The following TPP2 variants were observed in gnomAD, a reference collection of about 807,000 sequenced individuals.
TPP2 encodes the protein tripeptidyl peptidase 2.
Under a neutral mutation model 155.9 loss-of-function variants are expected in TPP2, and 34 were observed. That is an observed-to-expected ratio of 0.22 (90% CI 0.17 to 0.29). TPP2 has a LOEUF of 0.29. Ranked by LOEUF, TPP2 falls within the 10% of genes least tolerant of loss-of-function variation. TPP2 has a pLI of 1.00. For missense variants in TPP2, 1,028 were observed against 1,522.3 expected (o/e 0.68, Z 5.40); for synonymous variants, 510 against 529.4 (o/e 0.96, Z 0.50).
chr13:102,616,899 G>GTTTTGTT (rs1265619644), intron 4 of TPP2, among the ~76,000 whole-genome samples: 4 of 149,070 alleles, frequency 2.7e-5, no homozygotes, highest in East Asian at 1.9e-4. Context: ...ATATAGTATG[G>GTTTTGTT]TTTTGTTTTT....
At position 102,637,222 on chromosome 13, in the gene TPP2, G is replaced by A. The variant is rs372718395; in HGVS notation, c.1819G>A (p.Gly607Arg). ...IRVDPRGLRE[G>R]LHYTEVCGYD... The stretch of plus-strand genomic sequence containing the variant: ...TGTGGATCCCAGGGGCTTAAGAGAA[G>A]GATTGCATTATACAGAGGTATTGAT... Residue 607 changes from glycine (G) to arginine (R), a missense_variant, in exon 14 of 30, where the codon GGA becomes AGA. Gly to Arg is a moderately radical substitution (Grantham distance 125, BLOSUM62 -2). Around this residue, in one of 7 missense-constraint regions of TPP2, gnomAD observed 325 missense variants for 463.7 expected, o/e 0.70. Transcript: ENST00000376052. 9.4e-6 allele frequency: 15 copies of A among 1,603,612 alleles called. No individual in the cohort carries two copies. Among genetic ancestry groups the A allele is most frequent in the Non-Finnish European group, 1.0e-5 (12 of 1,178,354 alleles).
At chr13:102,606,109 C>G (rs1879808289) in intron 2 of TPP2, among the ~76,000 whole-genome samples, 1 of 152,180 alleles carries the variant, frequency 6.6e-6, no homozygotes, top group Admixed American at 6.5e-5. Context: ...CACAGAGGAG[C>G]TCATGAGCTA....
At position 102,647,353 on chromosome 13, in the gene TPP2, T is replaced by G. The variant is rs762688325; in HGVS notation, c.2628+9T>G. The G allele has an allele frequency of 6.2e-7, 1 of 1,603,424 alleles. No individual in the cohort carries two copies. The highest frequency in any genetic ancestry group is 8.5e-7 in the Non-Finnish European group (1 of 1,176,262). On this transcript the variant is annotated intron_variant, in intron 21 of 29. Transcript: ENST00000376052. Reference sequence around the variant, plus strand: ...ATGCCTATCCACATCAGGTATAAAATTGATGGTGATTTTTAGAATTAACGG... The same window carrying G: ...ATGCCTATCCACATCAGGTATAAAAGTGATGGTGATTTTTAGAATTAACGG...
In TPP2 at chr13:102,627,118, T is replaced by C; in HGVS notation, c.891T>C (p.Gly297=). The part of the protein sequence containing the change: ...PGAQILSIKI[G]DTRLSTMETG... ...CTCAAATTCTTTCCATCAAGATTGG[T>C]GATACAAGACTAAGCACAATGGAAA... The change falls in exon 7 of 30, where the codon GGT becomes GGC. Residue 297 remains glycine (G), a synonymous_variant. Coordinates refer to ENST00000376052, the MANE Select transcript of TPP2 (RefSeq NM_001330588.2). 1.2e-6 allele frequency: 2 copies of C among 1,602,574 alleles called. No homozygotes were observed. Among genetic ancestry groups the C allele is most frequent in the Non-Finnish European group, 1.7e-6 (2 of 1,174,554 alleles).
chr13:102,633,886 T>A (rs1486249071), intron 10 of TPP2, 64 bp from the exon 11 acceptor site: 20 of 1,604,276 alleles, frequency 1.2e-5, no homozygotes, highest in Non-Finnish European at 1.6e-5. Context: ...GTGGTCGTCT[T>A]AAAAATGCCC....
At chr13:102,630,677 G>A (rs970512030) in intron 10 of TPP2, among the ~76,000 whole-genome samples, 1 of 152,190 alleles carries the variant, frequency 6.6e-6, no homozygotes, top group Non-Finnish European at 1.5e-5. Context: ...ACTGAGAAAT[G>A]AAGTCTATCT....
chr13:102,630,278 T>C (rs957800142), intron 10 of TPP2, 83 bp downstream of exon 10: 2 of 1,018,120 alleles, frequency 2.0e-6, no homozygotes, highest in African/African-American at 3.4e-5. Context: ...TTAGATAAGT[T>C]TGCTAGTTTT....
In TPP2 at chr13:102,649,659, T is replaced by C. The variant is rs529646283; in HGVS notation, c.2952+173T>C. ...GTGAAAGTCAGTTAATATTTAGTTG[T>C]CTTTTAAAATGTATGCTACTTTTGA... On this transcript the variant is annotated intron_variant, in intron 23 of 29. Transcript: ENST00000376052. Among the ~76,000 whole-genome samples, 21 of 152,306 alleles carry C rather than the reference T, an allele frequency of 1.4e-4. No homozygotes were observed. The South Asian group carries it at 4.4e-3, about 32-fold the overall frequency.
intron 13 of TPP2, 88 bp downstream of exon 13, chr13:102,636,480 G>T (rs1882391818): frequency 7.1e-7 from 1 of 1,408,306 alleles, no homozygotes; most frequent in African/African-American, 1.4e-5. Flanking sequence ...GTTTGGGCCA[G>T]TGTTGTGAAG....
chr13:102,644,760 T>C lies in TPP2; in HGVS notation c.2292+87T>C, dbSNP rs963970598. On this transcript the variant is annotated intron_variant, in intron 18 of 29. Transcript: ENST00000376052. ...TTCATTGGTTAGATTTAAACTTTAA[T>C]GAGGGGAAATTACCTGTGGTTCTGA... 1.7e-5 allele frequency: 24 copies of C among 1,424,094 alleles called. No homozygotes were observed. The African/African-American group carries it at 3.1e-4, about 19-fold the overall frequency. The allele number at this position is 1,424,094 out of a possible 1,614,324, so 88.2% of individuals were successfully genotyped here. A position where few individuals can be genotyped will look rare whatever the true frequency, so the allele number is the denominator to read the frequency against.
At chr13:102,661,113 A>G (rs1245873280) in intron 25 of TPP2, among the ~76,000 whole-genome samples, 1 of 152,190 alleles carries the variant, frequency 6.6e-6, no homozygotes, top group Admixed American at 6.5e-5. Flanking sequence ...AAGAAAAAAA[A>G]ATAGATAATT....
chr13:102,671,084 T>C (rs574758163), intron 27 of TPP2, among the ~76,000 whole-genome samples: 1 of 152,342 alleles, frequency 6.6e-6, no homozygotes, highest in East Asian at 1.9e-4. Flanking sequence ...TCCAATGAAA[T>C]TGGCGAGCTG....
chr13:102,608,176 A>G (rs1484675276), intron 2 of TPP2, among the ~76,000 whole-genome samples: 1 of 152,230 alleles, frequency 6.6e-6, no homozygotes, highest in Non-Finnish European at 1.5e-5. Flanking sequence ...AAGGCTTCTA[A>G]CAAAAAGAGT....
chr13:102,632,694 C>T (rs1882099796), intron 10 of TPP2, among the ~76,000 whole-genome samples: 1 of 152,182 alleles, frequency 6.6e-6, no homozygotes, highest in Non-Finnish European at 1.5e-5. Flanking sequence ...TACCAATGCT[C>T]ATTCTGAACA....
At chr13:102,616,218 A>G (rs1415038617) in intron 3 of TPP2, among the ~76,000 whole-genome samples, 178 bp from the exon 4 acceptor site, 1 of 152,160 alleles carries the variant, frequency 6.6e-6, no homozygotes, top group Non-Finnish European at 1.5e-5. Context: ...CAGCCTTCCA[A>G]ATTGTTAGGA....
chr13:102,621,440 A>T (rs549750625), intron 5 of TPP2, among the ~76,000 whole-genome samples: 1 of 152,308 alleles, frequency 6.6e-6, no homozygotes. Context: ...ATAACATCTT[A>T]CATTGAGACT....
At chr13:102,607,638 G>T (rs1304375856) in intron 2 of TPP2, 5 of 448,460 alleles carry the variant, frequency 1.1e-5, no homozygotes, top group Non-Finnish European at 2.2e-5. Flanking sequence ...CCAGGTTGAA[G>T]TACAATGGCA....
Position 102,674,291 on chromosome 13 carries a change from A to G in TPP2, c.3380A>G (p.Asp1127Gly). The change falls in exon 28 of 30, where the codon GAC (aspartate) becomes GGC (glycine). Residue 1127 changes from aspartate to glycine, a missense_variant. Coordinates refer to ENST00000376052, the MANE Select transcript of TPP2 (RefSeq NM_001330588.2). ...PDAATIKNDM[D>G]KQKSTLVDAL... is the part of the protein sequence containing the mutation. ...TTTAATTTGCTGTACAGTGACATGG[A>G]CAAACAAAAATCCACCCTCGTAGAT... The G allele has an allele frequency of 6.2e-7, 1 of 1,613,576 alleles. No homozygotes were observed. Among genetic ancestry groups the G allele is most frequent in the Non-Finnish European group, 8.5e-7 (1 of 1,179,618 alleles).
chr13:102,619,423 CT>C (rs1207406480), intron 5 of TPP2, among the ~76,000 whole-genome samples: 1 of 148,448 alleles, frequency 6.7e-6, no homozygotes, highest in Non-Finnish European at 1.5e-5. Flanking sequence ...CATATGTGTG[CT>C]TTAGGATTTC....
Sources: allele counts gnomAD v4.1 joint callset (sites outside exome capture counted in the v4.1 genomes callset), GRCh38; gene constraint gnomAD v4.1.1; regional missense constraint gnomAD v4.1.1; transcripts MANE v1.5; gene names NCBI Gene and HGNC (gene_info 2026-07-23, HGNC 2026-07-21).